STRBP: variants seen among roughly 807,000 people sequenced by gnomAD.
STRBP encodes spermatid perinuclear RNA-binding protein.
In STRBP, 13 loss-of-function variants were observed where a neutral mutation model predicts 80.1. That is an observed-to-expected ratio of 0.16 (90% confidence interval 0.11 to 0.26). The LOEUF is 0.26. Ranked by LOEUF, STRBP falls within the 10% of genes least tolerant of loss-of-function variation. The pLI, the probability that STRBP is intolerant of heterozygous loss-of-function variation, is 1.00. For synonymous variants in STRBP, 284 were observed against 291.2 expected (o/e 0.98, Z 0.25); for missense variants, 485 against 815.2 (o/e 0.59, Z 4.93).
In STRBP at chr9:123,122,681, C is replaced by A. The variant is rs2035769600; in HGVS notation, c.*2916G>T. On this transcript the variant is annotated 3_prime_UTR_variant, in exon 19 of 19. Coordinates refer to ENST00000348403, the MANE Select transcript of STRBP (RefSeq NM_018387.5). ...CTGAAGAAACACAAGCTGCAAGCCA[C>A]ATCCCTGGCTAGGGGCCAGTCCCCG... is the stretch of plus-strand genomic sequence containing the variant. 2 of 1,015,342 alleles carry A rather than the reference C, an allele frequency of 2.0e-6. No homozygotes were observed. The highest frequency in any genetic ancestry group is 2.4e-6 in the Non-Finnish European group (2 of 849,364). The allele number at this position is 1,015,342 out of a possible 1,614,324, so 62.9% of individuals were successfully genotyped here. A position where few individuals can be genotyped will look rare whatever the true frequency, so the allele number is the denominator to read the frequency against.
At position 123,136,622 on chromosome 9, in the gene STRBP, A is replaced by G. The variant is rs2036363623; in HGVS notation, c.1498-107T>C. 4 of 1,343,726 alleles carry G rather than the reference A, an allele frequency of 3.0e-6. No individual in the cohort carries two copies. In the Admixed American group the frequency reaches 7.4e-5, roughly 25 times the overall value. The allele number at this position is 1,343,726 out of a possible 1,614,324, so 83.2% of individuals were successfully genotyped here. A position where few individuals can be genotyped will look rare whatever the true frequency, so the allele number is the denominator to read the frequency against. ...AAGGAGGCTCAAAAATTCTACTTCA[A>G]AGCACTCAGGGGCTAGAATGAGTCA... On this transcript the variant is annotated intron_variant, in intron 14 of 18. Transcript: ENST00000348403. This position sits in a 1 kb window ranked among gnomAD's most constrained non-coding sequence, Gnocchi z 4.2.
intron 2 of STRBP, among the ~76,000 whole-genome samples, chr9:123,195,386 A>T (rs781056109): frequency 1.4e-4 from 22 of 152,216 alleles, no homozygotes; most frequent in Non-Finnish European, 7.4e-5. Flanking sequence ...AGGAGCATTC[A>T]AATTGGAAAG....
chr9:123,111,497 C>T, intron 3 of STRBP: 1 of 371,380 alleles, frequency 2.7e-6, no homozygotes, highest in Non-Finnish European at 5.6e-6. Context: ...TCTTGGTTCC[C>T]TAAGCAGGAA....
At chr9:123,119,333 T>A (rs2035693549), downstream of STRBP, among the ~76,000 whole-genome samples, 1 of 151,846 alleles carries the variant, frequency 6.6e-6, no homozygotes, top group Admixed American at 6.5e-5. Context: ...ACTCAGCAGG[T>A]AGATATTCTA....
At chr9:123,204,505 A>G (rs2039442296) in intron 2 of STRBP, among the ~76,000 whole-genome samples, 1 of 152,220 alleles carries the variant, frequency 6.6e-6, no homozygotes, top group South Asian at 2.1e-4. Flanking sequence ...CTCCGTAGCT[A>G]TTTATTTTCT....
chr9:123,228,434 A>G (rs548675507), intron 2 of STRBP, among the ~76,000 whole-genome samples: 1 of 152,330 alleles, frequency 6.6e-6, no homozygotes, highest in Admixed American at 6.5e-5. Context: ...GGAAACTGAC[A>G]AGGATTGACC....
In STRBP at chr9:123,235,006, G is replaced by C. The variant is rs866497594; in HGVS notation, c.-165+1824C>G. On this transcript the variant is annotated intron_variant, in intron 2 of 18. Coordinates refer to ENST00000348403, the MANE Select transcript of STRBP (RefSeq NM_018387.5). The stretch of plus-strand genomic sequence containing the variant: ...AACTGGCTTTTTTTTTGGGGGGGGG[G>C]GGTACTGGGTATTCAGGTTATAAAT... Among the ~76,000 whole-genome samples the C allele has an allele frequency of 2.0e-4, 29 of 146,724 alleles. No homozygotes were observed. The South Asian group carries it at 2.0e-3, about 10-fold the overall frequency.
intron 17 of STRBP, among the ~76,000 whole-genome samples, chr9:123,129,359 T>TAAG (rs1399209324): frequency 6.6e-6 from 1 of 151,936 alleles, no homozygotes; most frequent in Non-Finnish European, 1.5e-5. Flanking sequence ...CATGTCTCAA[T>TAAG]AATAATAATA....
chr9:123,172,441 A>C (rs1240720425), intron 5 of STRBP, among the ~76,000 whole-genome samples: 2 of 152,246 alleles, frequency 1.3e-5, no homozygotes, highest in Non-Finnish European at 2.9e-5. Flanking sequence ...TGTTTAATAC[A>C]TAAAGCTATG....
Position 123,125,502 on chromosome 9 carries a change from T to A in STRBP, c.*95A>T, listed in dbSNP as rs890989295. 1 of 1,353,148 alleles carries A rather than the reference T, an allele frequency of 7.4e-7. No individual in the cohort carries two copies. Among genetic ancestry groups the A allele is most frequent in the Non-Finnish European group, 9.6e-7 (1 of 1,044,532 alleles). The allele number at this position is 1,353,148 out of a possible 1,614,324, so 83.8% of individuals were successfully genotyped here. On this transcript the variant is annotated 3_prime_UTR_variant, in exon 19 of 19. Transcript: ENST00000348403. Reference sequence around the variant, plus strand: ...TTCTTTACAAATAATTTTGATCAAGTATGTGTTCAAAGAAAGCAGGATAAA... The same window carrying A: ...TTCTTTACAAATAATTTTGATCAAGAATGTGTTCAAAGAAAGCAGGATAAA...
rs1266245635 is a variant in STRBP at position 123,160,395 on chromosome 9, A to T, written c.695T>A (p.Val232Asp). Residue 232 changes from valine (V) to aspartate (D), a missense_variant, in exon 8 of 19, where the codon GTC (valine) becomes GAC (aspartate). By Grantham distance (152) the Val-to-Asp change is radical (BLOSUM62 -3). Transcript: ENST00000348403. Reference protein sequence around the residue: ...LRILRDLCNRVPTWAPLKGWP... With the variant: ...LRILRDLCNRDPTWAPLKGWP... ...TCCTTTCAATGGTGCCCATGTGGGGACTCTGTTGCACAAATCACGCAGAAT... is the reference window on the plus strand; with the variant it reads ...TCCTTTCAATGGTGCCCATGTGGGGTCTCTGTTGCACAAATCACGCAGAAT... 6.2e-7 allele frequency: 1 copy of T among 1,602,244 alleles called. No homozygotes were observed. Among genetic ancestry groups the T allele is most frequent in the Admixed American group, 1.7e-5 (1 of 59,736 alleles).
intron 1 of STRBP, among the ~76,000 whole-genome samples, chr9:123,246,786 A>AT (rs906287421): frequency 6.6e-5 from 10 of 152,228 alleles, no homozygotes; most frequent in South Asian, 4.2e-4. Context: ...ATACAAACAA[A>AT]TTTTTTCCCC....
chr9:123,267,048 C>A lies in STRBP; in HGVS notation c.-302+1388G>T, dbSNP rs373628737. ...TCCTCCCCAACCGCTCCACACTTCC[C>A]GCCTCAGAAATCTTTCCTTCCATTT... On this transcript the variant is annotated intron_variant, in intron 1 of 18. Coordinates refer to ENST00000348403, the MANE Select transcript of STRBP (RefSeq NM_018387.5). Among the ~76,000 whole-genome samples the A allele has an allele frequency of 1.8e-3, 267 of 151,684 alleles. 1 individual carries two copies. The highest frequency in any genetic ancestry group is 6.1e-3 in the African/African-American group (253 of 41,314).
chr9:123,150,875 C>A (rs2037028413), intron 11 of STRBP, among the ~76,000 whole-genome samples: 1 of 152,122 alleles, frequency 6.6e-6, no homozygotes, highest in South Asian at 2.1e-4. Flanking sequence ...GTGGCTCTCA[C>A]AAGGATGAAA....
intron 4 of STRBP, among the ~76,000 whole-genome samples, chr9:123,175,857 C>T (rs2038196323): frequency 6.6e-6 from 1 of 152,186 alleles, no homozygotes; most frequent in Non-Finnish European, 1.5e-5. Flanking sequence ...CTTCCAAAGG[C>T]GCTGATTGGA....
chr9:123,202,715 C>T (rs2039371202), intron 2 of STRBP, among the ~76,000 whole-genome samples: 1 of 152,092 alleles, frequency 6.6e-6, no homozygotes, highest in Non-Finnish European at 1.5e-5. Flanking sequence ...ATGTCTGTTA[C>T]ACAAAGAAAT....
intron 4 of STRBP, among the ~76,000 whole-genome samples, chr9:123,175,580 G>A (rs1214947495): frequency 6.6e-6 from 1 of 152,166 alleles, no homozygotes; most frequent in East Asian, 1.9e-4. Context: ...TAAAGCAGGT[G>A]ACCAAGTGTA....
At chr9:123,216,531 A>G (rs1306478167) in intron 2 of STRBP, among the ~76,000 whole-genome samples, 4 of 152,234 alleles carry the variant, frequency 2.6e-5, no homozygotes, top group Non-Finnish European at 5.9e-5. Flanking sequence ...TGCTCCATGC[A>G]AATATATGTC....
intron 13 of STRBP, among the ~76,000 whole-genome samples, chr9:123,142,666 A>C (rs760046994): frequency 1.3e-5 from 2 of 151,946 alleles, no homozygotes; most frequent in African/African-American, 2.4e-5. Flanking sequence ...TCACTTGTCC[A>C]TGTTGAAGTC....
Sources: gnomAD v4.1 joint callset for allele counts (sites outside exome capture counted in the v4.1 genomes callset) on GRCh38, gnomAD v4.1.1 for gene constraint, Gnocchi (gnomAD v3.1) non-coding constraint, MANE v1.5 for transcripts, NCBI Gene and HGNC (gene_info 2026-07-23, HGNC 2026-07-21) for gene names.